Variants in ATL3 observed in about 807,000 individuals in gnomAD.
The protein encoded by ATL3 is atlastin GTPase 3.
ATL3 carries 49 observed loss-of-function variants against 69.5 expected under a neutral mutation model. The observed-to-expected ratio is 0.71, with a 90% CI of 0.56 to 0.89. The LOEUF (loss-of-function observed/expected upper bound fraction) is 0.89, where lower values mean the gene tolerates loss of function less well. ATL3 is among the 40% of genes least tolerant of loss of function. The pLI, the probability that ATL3 is intolerant of heterozygous loss-of-function variation, is 0.00. For missense variants in ATL3, 606 were observed against 645.7 expected (o/e 0.94, Z 0.67); for synonymous variants, 214 against 224.1 (o/e 0.95, Z 0.40).
chr11:63,634,963 AC>A (rs1939467027), intron 10 of ATL3, among the ~76,000 whole-genome samples: 1 of 151,382 alleles, frequency 6.6e-6, no homozygotes, highest in South Asian at 2.1e-4. Flanking sequence ...GGAGTTGGAG[AC>A]CAGCCTGGGC....
upstream of ATL3, chr11:63,671,625 C>G (rs960138589): frequency 2.8e-5 from 40 of 1,417,512 alleles, no homozygotes; most frequent in African/African-American, 5.4e-4. Context: ...GCGAAGCGAG[C>G]CGCCGGGTAC....
At position 63,658,701 on chromosome 11, in the gene ATL3, T is replaced by C. The variant is rs1940331693; in HGVS notation, c.405+60A>G. The C allele has an allele frequency of 2.0e-6, 3 of 1,533,534 alleles. No individual in the cohort carries two copies. In the Admixed American group the frequency reaches 6.4e-5, roughly 33 times the overall value. 95.0% of individuals were successfully genotyped at this position (1,533,534 alleles called of 1,614,324 possible). ...TTTTTAATTGGGTTAACACAGTACA[T>C]GCTGAAGTTCATATTTTGTTGTTGT... On this transcript the variant is annotated intron_variant, in intron 3 of 12. Transcript: ENST00000398868.
chr11:63,639,815 AT>A (rs907498845), intron 8 of ATL3, among the ~76,000 whole-genome samples: 17 of 151,894 alleles, frequency 1.1e-4, no homozygotes, highest in Non-Finnish European at 1.9e-4. Context: ...TAAAGTACTT[AT>A]TTTTTTTAAA....
chr11:63,632,715 G>A lies in ATL3; in HGVS notation c.1107+311C>T, dbSNP rs190072513. 1.5e-3 allele frequency: 1,875 copies of A among 1,255,352 alleles called. 4 individuals are homozygous for A. Among genetic ancestry groups the A allele is most frequent in the Non-Finnish European group, 1.9e-3 (1,611 of 859,990 alleles). The allele number at this position is 1,255,352 out of a possible 1,614,324, so 77.8% of individuals were successfully genotyped here. ...CAGCCTTAATGGCCACAGATTTTCTGATGATTAGTAAGCATTTATTCTTTT... is the reference window on the plus strand; with the variant it reads ...CAGCCTTAATGGCCACAGATTTTCTAATGATTAGTAAGCATTTATTCTTTT... On this transcript the variant is annotated intron_variant, in intron 11 of 12. Coordinates refer to ENST00000398868, the MANE Select transcript of ATL3 (RefSeq NM_015459.5).
At chr11:63,665,843 G>A (rs1940557924) in intron 1 of ATL3, among the ~76,000 whole-genome samples, 1 of 150,976 alleles carries the variant, frequency 6.6e-6, no homozygotes, top group South Asian at 2.1e-4. Context: ...CTACAATCAG[G>A]ACAACAGAGC....
At chr11:63,656,789 T>C (rs1474907920) in intron 3 of ATL3, among the ~76,000 whole-genome samples, 1 of 150,594 alleles carries the variant, frequency 6.6e-6, no homozygotes, top group African/African-American at 2.4e-5. Context: ...ACCTTTGAAG[T>C]ACTGAGAAAA....
At chr11:63,665,680 G>A (rs1940553633) in intron 1 of ATL3, among the ~76,000 whole-genome samples, 1 of 152,132 alleles carries the variant, frequency 6.6e-6, no homozygotes, top group South Asian at 2.1e-4. Flanking sequence ...CCTGAGATCA[G>A]GAGTTCGAGA....
At chr11:63,629,512 C>T in intron 12 of ATL3, 107 bp from the exon 13 acceptor site, 1 of 944,210 alleles carries the variant, frequency 1.1e-6, no homozygotes, top group East Asian at 2.6e-5. Flanking sequence ...CGGCATGTTA[C>T]AGAAAGCAGT....
rs112944512 is a variant in ATL3, at chr11:63,647,203, A to AT, written c.562-641dup. ...TCCTACTTCGTGTCTTTAAAAAAAAATTTTTTTTTTTGAGACAGAGTTGTG... is the reference window on the plus strand; with the variant it reads ...TCCTACTTCGTGTCTTTAAAAAAAAATTTTTTTTTTTTGAGACAGAGTTGTG... On this transcript the variant is annotated intron_variant, in intron 5 of 12. Transcript: ENST00000398868. Among the ~76,000 whole-genome samples the AT allele has an allele frequency of 9.4e-3, 1,408 of 149,578 alleles. 22 individuals are homozygous for AT. Among genetic ancestry groups the AT allele is most frequent in the African/African-American group, 0.03 (1,213 of 40,954 alleles).
intron 5 of ATL3, among the ~76,000 whole-genome samples, chr11:63,649,558 G>T (rs1285153695): frequency 6.6e-6 from 1 of 150,710 alleles, no homozygotes. Context: ...TAAAGACAGA[G>T]TCTCACTCTG....
intron 4 of ATL3, 131 bp downstream of exon 4, chr11:63,652,340 C>T: frequency 3.3e-6 from 2 of 607,738 alleles, no homozygotes; most frequent in South Asian, 8.9e-5. Flanking sequence ...AGTTTAACTG[C>T]ATCTACAGTT....
chr11:63,667,312 A>C (rs1333737044), intron 1 of ATL3, among the ~76,000 whole-genome samples: 3 of 152,114 alleles, frequency 2.0e-5, no homozygotes, highest in African/African-American at 7.2e-5. Flanking sequence ...AAATGTTGAA[A>C]ATCTTTGTAT....
At chr11:63,661,932 G>T (rs1197066895) in intron 1 of ATL3, among the ~76,000 whole-genome samples, 1 of 151,626 alleles carries the variant, frequency 6.6e-6, no homozygotes, top group Non-Finnish European at 1.5e-5. Flanking sequence ...ATTCATTCAG[G>T]CTAGACATGG....
At chr11:63,642,943 T>C (rs374933090) in intron 8 of ATL3, among the ~76,000 whole-genome samples, 2 of 152,208 alleles carry the variant, frequency 1.3e-5, no homozygotes, top group African/African-American at 4.8e-5. Context: ...TTCCTGATAT[T>C]AGCACATGAC....
At position 63,629,014 on chromosome 11, in the gene ATL3, G is replaced by C; in HGVS notation, c.*305C>G. 1 of 319,054 alleles carries C rather than the reference G, an allele frequency of 3.1e-6. No individual in the cohort carries two copies. Among genetic ancestry groups the C allele is most frequent in the Non-Finnish European group, 5.8e-6 (1 of 172,700 alleles). The allele number at this position is 319,054 out of a possible 1,614,324, so 19.8% of individuals were successfully genotyped here. On this transcript the variant is annotated 3_prime_UTR_variant, in exon 13 of 13. Transcript: ENST00000398868. The stretch of plus-strand genomic sequence containing the variant: ...TAAGTGGCACATAAAGAACTTAAAA[G>C]CTGCATTTCCATTTTTCCTCTAGCT...
intron 11 of ATL3, chr11:63,632,703 C>A: frequency 7.9e-7 from 1 of 1,269,016 alleles, no homozygotes; most frequent in Non-Finnish European, 1.1e-6. Flanking sequence ...CCTTAATGGC[C>A]ACAGATTTTC....
intron 5 of ATL3, among the ~76,000 whole-genome samples, chr11:63,647,986 G>C (rs944753323): frequency 6.6e-6 from 1 of 152,200 alleles, no homozygotes; most frequent in South Asian, 2.1e-4. Context: ...CCTTACAGGA[G>C]GAGGTGTAGG....
At chr11:63,655,899 A>G (rs1940227949) in intron 3 of ATL3, among the ~76,000 whole-genome samples, 1 of 152,204 alleles carries the variant, frequency 6.6e-6, no homozygotes, top group South Asian at 2.1e-4. Flanking sequence ...CTGCAGATTC[A>G]AGAAGCTCAA....
chr11:63,669,896 CGAG>C (rs1940719619), intron 1 of ATL3, among the ~76,000 whole-genome samples: 1 of 151,900 alleles, frequency 6.6e-6, no homozygotes, highest in African/African-American at 2.4e-5. Flanking sequence ...TGCAGTGAGC[CGAG>C]ACTGCGCCAC....
Sources: gnomAD v4.1 joint callset for allele counts (sites outside exome capture counted in the v4.1 genomes callset) on GRCh38, gnomAD v4.1.1 for gene constraint, MANE v1.5 for transcripts, NCBI Gene and HGNC (gene_info 2026-07-23, HGNC 2026-07-21) for gene names.